SREBF1: variants seen among roughly 807,000 people sequenced by gnomAD.
The protein encoded by SREBF1 is sterol regulatory element binding transcription factor 1.
A neutral mutation model predicts 100.1 loss-of-function variants in SREBF1; 45 were observed. The ratio of observed to expected loss-of-function variants is 0.45; its 90% CI spans 0.35 to 0.58. The LOEUF (loss-of-function observed/expected upper bound fraction) is 0.58, where lower values mean the gene tolerates loss of function less well. SREBF1 is among the 20% of genes least tolerant of loss of function. SREBF1 has a pLI of 0.00. For synonymous variants in SREBF1, 657 were observed against 681.8 expected (o/e 0.96, Z 0.57); for missense variants, 1,324 against 1,539.4 (o/e 0.86, Z 2.34).
intron 9 of SREBF1, 46 bp downstream of exon 9, chr17:17,816,912 G>T: frequency 6.2e-7 from 1 of 1,611,210 alleles, no homozygotes; most frequent in South Asian, 1.1e-5. Context: ...CACCTTCACA[G>T]CCTGGGGTCC....
chr17:17,823,033 G>A (rs2034210162), intron 1 of SREBF1, among the ~76,000 whole-genome samples: 2 of 152,230 alleles, frequency 1.3e-5, no homozygotes, highest in Admixed American at 1.3e-4. Flanking sequence ...ACCCCAGTCC[G>A]TGTGAGCCTC....
At chr17:17,829,236 G>GTA (rs2034705157) in intron 1 of SREBF1, among the ~76,000 whole-genome samples, 1 of 97,674 alleles carries the variant, frequency 1.0e-5, no homozygotes, top group African/African-American at 5.2e-5. Flanking sequence ...ATATATATAT[G>GTA]TATACACACA....
chr17:17,814,467 G>C (rs1022655978), intron 15 of SREBF1, 57 bp from the exon 16 acceptor site: 37 of 1,544,722 alleles, frequency 2.4e-5, no homozygotes, highest in Non-Finnish European at 3.2e-5. Flanking sequence ...CCCTGGCTGA[G>C]TGCCCCCCAC....
At chr17:17,819,911 G>T in intron 2 of SREBF1, 179 bp downstream of exon 2, 2 of 1,157,234 alleles carry the variant, frequency 1.7e-6, no homozygotes, top group Non-Finnish European at 2.4e-6. Context: ...GTGCGAGGTT[G>T]CGCCTACCCC....
chr17:17,814,626 C>T lies in SREBF1; in HGVS notation c.2724G>A (p.Leu908=). 2 of 1,543,468 alleles carry T rather than the reference C, an allele frequency of 1.3e-6. No homozygotes were observed. The highest frequency in any genetic ancestry group is 2.4e-5 in the South Asian group (2 of 84,656). ...CPLVEHLPRV[L]QESERPLPRA... is the part of the protein sequence containing the mutation. ...TGCCGTGCACTCACTCAGACTCCTG[C>T]AGCACCCGGGGCAGGTGCTCCACCA... The change falls in exon 15 of 19, where the codon CTG becomes CTA. Residue 908 remains leucine (L), a synonymous_variant. Transcript: ENST00000261646.
At position 17,812,478 on chromosome 17, in the gene SREBF1, G is replaced by A. The variant is rs899407355; in HGVS notation, c.*144C>T. On this transcript the variant is annotated 3_prime_UTR_variant, in exon 19 of 19. Transcript: ENST00000261646. ...TCGCGCCCCTCGGGCCTTCCACCGC[G>A]AAGGCACACAGCAGCCGCAGGTCGA... 5.8e-6 allele frequency: 5 copies of A among 867,076 alleles called. No homozygotes were observed. Among genetic ancestry groups the A allele is most frequent in the Non-Finnish European group, 8.8e-6 (5 of 570,324 alleles). 53.7% of individuals were successfully genotyped at this position (867,076 alleles called of 1,614,324 possible).
chr17:17,813,262 G>A (rs1453827481), intron 18 of SREBF1, 106 bp downstream of exon 18: 2 of 1,206,178 alleles, frequency 1.7e-6, no homozygotes, highest in South Asian at 1.3e-5. Flanking sequence ...CGCCAGGCCT[G>A]TCTGTCCCGT....
intron 16 of SREBF1, 183 bp from the exon 17 acceptor site, chr17:17,813,952 G>A (rs750820947): frequency 1.1e-4 from 77 of 719,990 alleles, no homozygotes; most frequent in South Asian, 3.6e-5. Flanking sequence ...CCCCACACCC[G>A]CCACCGGCCC....
chr17:17,834,439 T>A (rs2035101311), intron 1 of SREBF1, among the ~76,000 whole-genome samples: 1 of 152,208 alleles, frequency 6.6e-6, no homozygotes. Context: ...CTAAGTTTTC[T>A]ACAATGAAAA....
chr17:17,827,704 G>A (rs1343049932), intron 1 of SREBF1, among the ~76,000 whole-genome samples: 3 of 152,074 alleles, frequency 2.0e-5, no homozygotes, highest in Admixed American at 6.5e-5. Context: ...CGGAGGCCTC[G>A]TGCCCAAAGT....
At chr17:17,829,124 C>T (rs1301427088) in intron 1 of SREBF1, among the ~76,000 whole-genome samples, 8 of 147,232 alleles carry the variant, frequency 5.4e-5, no homozygotes, top group East Asian at 2.0e-4. Context: ...ACCCAGGAGG[C>T]GGAGGTTGCA....
Position 17,817,750 on chromosome 17 carries a change from G to A in SREBF1, c.1350C>T (p.Ser450=), listed in dbSNP as rs766029447. Reference sequence around the variant, plus strand: ...GCTCCGAGTCACTGCCACTGCCACCGCTGCCACTGCCCCTGCTGCCAAGGG... The same window carrying A: ...GCTCCGAGTCACTGCCACTGCCACCACTGCCACTGCCCCTGCTGCCAAGGG... ...PLSLGSRGSG[S]GGSGSDSEPD... Residue 450 remains serine (S), a synonymous_variant, in exon 7 of 19, where the codon AGC becomes AGT. Coordinates refer to ENST00000261646, the MANE Select transcript of SREBF1 (RefSeq NM_004176.5). This position sits in a 1 kb window ranked among gnomAD's most constrained non-coding sequence, Gnocchi z 6.6. 2.2e-5 allele frequency: 35 copies of A among 1,613,464 alleles called. No individual in the cohort carries two copies. The highest frequency in any genetic ancestry group is 2.6e-5 in the Non-Finnish European group (31 of 1,179,986).
intron 6 of SREBF1, 145 bp from the exon 7 acceptor site, chr17:17,818,061 G>A: frequency 2.2e-6 from 2 of 928,210 alleles, no homozygotes; most frequent in South Asian, 2.7e-5. Flanking sequence ...GGGCCAAAGG[G>A]AGGCACCAGG....
chr17:17,826,857 G>A (rs1037587952), intron 1 of SREBF1, among the ~76,000 whole-genome samples: 1 of 152,246 alleles, frequency 6.6e-6, no homozygotes, highest in Non-Finnish European at 1.5e-5. Context: ...ACGCTGACCA[G>A]CACAGAAGCC....
At chr17:17,830,690 A>AC (rs1435691253) in intron 1 of SREBF1, among the ~76,000 whole-genome samples, 1 of 151,796 alleles carries the variant, frequency 6.6e-6, no homozygotes, top group Non-Finnish European at 1.5e-5. Context: ...AGGGGGATGG[A>AC]CCCCCAGCCC....
intron 1 of SREBF1, among the ~76,000 whole-genome samples, chr17:17,821,061 C>A (rs1402852040): frequency 6.6e-6 from 1 of 152,154 alleles, no homozygotes; most frequent in African/African-American, 2.4e-5. Flanking sequence ...CTGGGAGTGT[C>A]CTGTAGCTTG....
At position 17,816,551 on chromosome 17, in the gene SREBF1, G is replaced by T. The variant is rs1056835730; in HGVS notation, c.1953C>A (p.Gly651=). The T allele has an allele frequency of 1.9e-6, 3 of 1,602,980 alleles. No individual in the cohort carries two copies. The highest frequency in any genetic ancestry group is 1.1e-5 in the South Asian group (1 of 89,544). Residue 651 remains glycine (G), a synonymous_variant, in exon 10 of 19, where the codon GGC becomes GGA. Coordinates refer to ENST00000261646, the MANE Select transcript of SREBF1 (RefSeq NM_004176.5). ...VGRWLAGRAG[G]LQQDCALRVD... is the part of the protein sequence containing the mutation. The stretch of plus-strand genomic sequence containing the variant: ...CTCGCAGAGCACAGTCCTGCTGCAG[G>T]CCCCCTGCCCGGCCTGCCAGCCAGC...
chr17:17,830,623 G>A (rs1173996751), intron 1 of SREBF1, among the ~76,000 whole-genome samples: 1 of 152,224 alleles, frequency 6.6e-6, no homozygotes, highest in Non-Finnish European at 1.5e-5. Context: ...GCAGGGACGG[G>A]GAGTCAGTTA....
Position 17,817,417 on chromosome 17 carries a change from A to T in SREBF1, c.1445T>A (p.Met482Lys). The change falls in exon 8 of 19, where the codon ATG (methionine) becomes AAG (lysine). Residue 482 changes from methionine to lysine, a missense_variant. By Grantham distance (95) the Met-to-Lys change is moderately conservative (BLOSUM62 -1). Coordinates refer to ENST00000261646, the MANE Select transcript of SREBF1 (RefSeq NM_004176.5). The surrounding 1 kb of genome is among the most constrained non-coding windows in gnomAD (Gnocchi z 6.6). The stretch of plus-strand genomic sequence containing the variant: ...CAGGGCCAGGCGGGAGCGGTCCAGC[A>T]TGCCCCGGCTGTGCAGAGACGGCCG... Reference protein sequence around the residue: ...EQRPSLHSRGMLDRSRLALCT... With the variant: ...EQRPSLHSRGKLDRSRLALCT... The T allele has an allele frequency of 5.0e-6, 8 of 1,597,298 alleles. No homozygotes were observed. The highest frequency in any genetic ancestry group is 6.8e-6 in the Non-Finnish European group (8 of 1,172,076).
Sources: gnomAD v4.1 joint callset for allele counts (sites outside exome capture counted in the v4.1 genomes callset) on GRCh38, gnomAD v4.1.1 for gene constraint, Gnocchi (gnomAD v3.1) non-coding constraint, MANE v1.5 for transcripts, NCBI Gene and HGNC (gene_info 2026-07-23, HGNC 2026-07-21) for gene names.